The following PKNOX2 variants were observed in gnomAD, a reference collection of about 807,000 sequenced individuals.
PKNOX2 encodes PBX/knotted 1 homeobox 2.
Under a neutral mutation model 53.1 loss-of-function variants are expected in PKNOX2, and 14 were observed. The observed-to-expected ratio is 0.26, with a 90% CI of 0.17 to 0.41. The LOEUF is 0.41. Ranked by LOEUF, PKNOX2 falls within the 10% of genes least tolerant of loss-of-function variation. The probability of loss-of-function intolerance (pLI) is 1.00; values close to 1 mark genes in which losing one functional copy is unlikely to be tolerated. For synonymous variants in PKNOX2, 257 were observed against 242.8 expected, an observed-to-expected ratio of 1.06 and a Z score of -0.54; for missense variants, 496 against 602.8, an observed-to-expected ratio of 0.82 and a Z score of 1.85.
At chr11:125,368,018 C>A in intron 5 of PKNOX2, 33 bp downstream of exon 5, 2 of 1,596,110 alleles carry the variant, frequency 1.3e-6, no homozygotes, top group Non-Finnish European at 1.7e-6. Context: ...CTACAGCCCT[C>A]AACCAGCTTC....
chr11:125,233,956 C>T (rs1051959966), intron 1 of PKNOX2, among the ~76,000 whole-genome samples: 8 of 152,184 alleles, frequency 5.3e-5, no homozygotes, highest in Non-Finnish European at 1.0e-4. Flanking sequence ...GCTCTGGCCC[C>T]ACCTTGCTGA....
intron 2 of PKNOX2, among the ~76,000 whole-genome samples, chr11:125,297,473 T>A (rs572011516): frequency 8.5e-5 from 13 of 152,244 alleles, no homozygotes; most frequent in African/African-American, 3.1e-4. Flanking sequence ...TAGGAACTCA[T>A]TAGTCTGACA....
At chr11:125,429,187 T>C in intron 11 of PKNOX2, 99 bp downstream of exon 11, 1 of 1,189,604 alleles carries the variant, frequency 8.4e-7, no homozygotes, top group Non-Finnish European at 1.2e-6. Context: ...TGCCAGGATC[T>C]GCCTCAATCT....
At chr11:125,405,419 AT>A (rs553011967) in intron 7 of PKNOX2, among the ~76,000 whole-genome samples, 1 of 152,160 alleles carries the variant, frequency 6.6e-6, no homozygotes, top group Non-Finnish European at 1.5e-5. Flanking sequence ...CCTATTAAAA[AT>A]GAAGCACGGT....
chr11:125,228,822 T>C (rs1280953250), intron 1 of PKNOX2, among the ~76,000 whole-genome samples: 1 of 152,214 alleles, frequency 6.6e-6, no homozygotes, highest in Non-Finnish European at 1.5e-5. Flanking sequence ...ATTACCCTTT[T>C]TTGCCAATGC....
chr11:125,324,554 C>T (rs1455225004), intron 2 of PKNOX2, among the ~76,000 whole-genome samples: 5 of 152,094 alleles, frequency 3.3e-5, no homozygotes, highest in African/African-American at 2.4e-5. Flanking sequence ...AGTACCCAGA[C>T]GATCACAATG....
intron 1 of PKNOX2, among the ~76,000 whole-genome samples, chr11:125,180,294 AT>A (rs11287768): frequency 0.064 from 9,695 of 151,908 alleles, 854 homozygotes; most frequent in East Asian, 0.19. Flanking sequence ...CGATTGTTGG[AT>A]TTCTGTCTCT....
intron 2 of PKNOX2, chr11:125,266,777 G>A (rs1217563556): frequency 6.6e-6 from 1 of 152,214 alleles, no homozygotes; most frequent in African/African-American, 2.4e-5. Flanking sequence ...CACATGCAAG[G>A]TCTGGAGGTC....
chr11:125,203,413 T>C (rs1003923817), intron 1 of PKNOX2, among the ~76,000 whole-genome samples: 1 of 152,192 alleles, frequency 6.6e-6, no homozygotes, highest in Admixed American at 6.5e-5. Context: ...ACTTTGAATA[T>C]TTATTTAACT....
At chr11:125,172,198 C>A (rs931142035) in intron 1 of PKNOX2, among the ~76,000 whole-genome samples, 6 of 152,136 alleles carry the variant, frequency 3.9e-5, no homozygotes, top group Non-Finnish European at 5.9e-5. Context: ...TCCCAGGTGG[C>A]CAGAAGTGGG....
At chr11:125,229,907 G>T (rs535369117) in intron 1 of PKNOX2, among the ~76,000 whole-genome samples, 1 of 152,316 alleles carries the variant, frequency 6.6e-6, no homozygotes, top group South Asian at 2.1e-4. Flanking sequence ...AGGGTAAATT[G>T]CTTGCTTCTG....
intron 2 of PKNOX2, among the ~76,000 whole-genome samples, chr11:125,260,449 G>A (rs888370929): frequency 6.0e-5 from 9 of 150,656 alleles, no homozygotes; most frequent in South Asian, 2.1e-4. Context: ...TGCCTACCTC[G>A]GCCTCCCAAA....
At chr11:125,374,232 GGT>G (rs1952712510) in intron 5 of PKNOX2, among the ~76,000 whole-genome samples, 1 of 152,124 alleles carries the variant, frequency 6.6e-6, no homozygotes, top group South Asian at 2.1e-4. Flanking sequence ...GCCTGAGAAT[GGT>G]GTGGGAGACA....
chr11:125,247,371 A>G (rs1310535907), intron 2 of PKNOX2, among the ~76,000 whole-genome samples: 1 of 151,554 alleles, frequency 6.6e-6, no homozygotes, highest in Non-Finnish European at 1.5e-5. Flanking sequence ...TCCTCCTGGG[A>G]CTCTTCCTCA....
chr11:125,252,356 A>T (rs1944067969), intron 2 of PKNOX2, among the ~76,000 whole-genome samples: 1 of 152,150 alleles, frequency 6.6e-6, no homozygotes. Context: ...TTTAAGCAGG[A>T]GATTGATTTG....
At chr11:125,306,888 G>A (rs1333864410) in intron 2 of PKNOX2, among the ~76,000 whole-genome samples, 1 of 152,170 alleles carries the variant, frequency 6.6e-6, no homozygotes, top group East Asian at 1.9e-4. Context: ...GTTGCATTTG[G>A]AGAATTTGCT....
chr11:125,286,945 C>T (rs936268581), intron 2 of PKNOX2, among the ~76,000 whole-genome samples: 2 of 152,222 alleles, frequency 1.3e-5, no homozygotes, highest in Admixed American at 6.5e-5. Context: ...GAAAGCGTTG[C>T]TGATCCTTTC....
At chr11:125,293,829 ACACT>A (rs1212699437) in intron 2 of PKNOX2, among the ~76,000 whole-genome samples, 1 of 151,958 alleles carries the variant, frequency 6.6e-6, no homozygotes, top group Non-Finnish European at 1.5e-5. Context: ...ACACTCACTC[ACACT>A]CACACATACA....
intron 1 of PKNOX2, among the ~76,000 whole-genome samples, chr11:125,224,204 G>C (rs1286571009): frequency 1.3e-5 from 2 of 152,258 alleles, no homozygotes; most frequent in Non-Finnish European, 2.9e-5. Flanking sequence ...GCCTTCCCTG[G>C]CCTCTCCGTG....
Sources: gnomAD v4.1 joint callset for allele counts (sites outside exome capture counted in the v4.1 genomes callset) on GRCh38, gnomAD v4.1.1 for gene constraint, MANE v1.5 for transcripts, NCBI Gene and HGNC (gene_info 2026-07-23, HGNC 2026-07-21) for gene names.